ZBBX: variants seen among roughly 807,000 people sequenced by gnomAD.
The protein encoded by ZBBX is zinc finger B-box domain-containing protein 1.
A neutral mutation model predicts 108.5 loss-of-function variants in ZBBX; 101 were observed. The ratio of observed to expected loss-of-function variants is 0.93; its 90% confidence interval spans 0.79 to 1.10. The LOEUF (loss-of-function observed/expected upper bound fraction) is 1.10. Among genes scored for constraint, ZBBX ranks in the 50% least tolerant of loss-of-function variants. The pLI is 0.00. For missense variants in ZBBX, 1,009 were observed against 941.4 expected (o/e 1.07, Z -0.94); for synonymous variants, 356 against 323.4 (o/e 1.10, Z -1.08).
At chr3:167,260,258 C>G (rs1057341010) in intron 20 of ZBBX, among the ~76,000 whole-genome samples, 4 of 152,186 alleles carry the variant, frequency 2.6e-5, no homozygotes, top group Non-Finnish European at 2.9e-5. Context: ...TCTTACAGCT[C>G]TTAAGATTCT....
At chr3:167,286,933 G>A (rs908933734) in intron 19 of ZBBX, among the ~76,000 whole-genome samples, 1 of 152,112 alleles carries the variant, frequency 6.6e-6, no homozygotes, top group African/African-American at 2.4e-5. Context: ...ACTTGTGACA[G>A]AGCCAGGCAA....
intron 1 of ZBBX, among the ~76,000 whole-genome samples, chr3:167,405,989 C>T (rs1357964966): frequency 3.3e-5 from 5 of 151,318 alleles, no homozygotes; most frequent in South Asian, 2.1e-4. Flanking sequence ...TCACTTGAAC[C>T]CGGGGGGCAG....
intron 2 of ZBBX, among the ~76,000 whole-genome samples, chr3:167,378,181 G>A (rs1279977354): frequency 6.6e-6 from 1 of 152,110 alleles, no homozygotes; most frequent in African/African-American, 2.4e-5. Context: ...GTGTGAGAAT[G>A]GACTAATATA....
Position 167,330,790 on chromosome 3 carries a change from AAAGAAG to A in ZBBX, c.688-2680_688-2675del, listed in dbSNP as rs36131752. Among the ~76,000 whole-genome samples, 42 of 137,780 alleles carry A rather than the reference AAAGAAG, an allele frequency of 3.0e-4. 1 individual carries two copies. The highest frequency in any genetic ancestry group is 6.8e-4 in the African/African-American group (25 of 36,770). 90.4% of individuals were successfully genotyped at this position (137,780 alleles called of 152,430 possible). ...AAGAAAAGAAGAAAAGGAGAAGAAG[AAAGAAG>A]AAGAAGAAGAAGGAGGAGGAGAAGC... On this transcript the variant is annotated intron_variant, in intron 10 of 21. Transcript: ENST00000675490.
intron 2 of ZBBX, among the ~76,000 whole-genome samples, chr3:167,378,183 A>G (rs1455057529): frequency 6.6e-6 from 1 of 152,164 alleles, no homozygotes; most frequent in African/African-American, 2.4e-5. Flanking sequence ...GTGAGAATGG[A>G]CTAATATAGG....
chr3:167,296,043 G>A (rs78650021), intron 18 of ZBBX, among the ~76,000 whole-genome samples: 7,688 of 151,550 alleles, frequency 0.051, 522 homozygotes, highest in African/African-American at 0.15. Context: ...TATTAAAAAC[G>A]GTTATACATC....
At chr3:167,274,497 A>G (rs1245194439) in intron 20 of ZBBX, among the ~76,000 whole-genome samples, 2 of 152,228 alleles carry the variant, frequency 1.3e-5, no homozygotes, top group Non-Finnish European at 2.9e-5. Context: ...AGATTATAAA[A>G]ATTTAAAAGG....
chr3:167,378,704 G>A (rs1747342851), intron 2 of ZBBX, among the ~76,000 whole-genome samples: 1 of 152,098 alleles, frequency 6.6e-6, no homozygotes, highest in South Asian at 2.1e-4. Context: ...GAAGAAAATG[G>A]AGCATCAAGA....
intron 20 of ZBBX, among the ~76,000 whole-genome samples, chr3:167,264,500 A>G (rs917486508): frequency 6.6e-6 from 1 of 151,774 alleles, no homozygotes; most frequent in African/African-American, 2.4e-5. Context: ...ACTAATAAAA[A>G]CTCTATACTT....
intron 20 of ZBBX, among the ~76,000 whole-genome samples, chr3:167,249,489 C>T (rs1427199023): frequency 6.6e-6 from 1 of 152,188 alleles, no homozygotes; most frequent in Non-Finnish European, 1.5e-5. Flanking sequence ...AGCTTCCCAC[C>T]TGCCTCCTCC....
rs1044927782 is a variant in ZBBX at position 167,316,950 on chromosome 3, A to G, written c.1194+55T>C. ...AAATAATATGCAGATGTAAGTATAC[A>G]TTATGAATTCCCTGTTAAAAATCAT... On this transcript the variant is annotated intron_variant, in intron 14 of 21. Coordinates refer to ENST00000675490, the MANE Select transcript of ZBBX (RefSeq NM_001199201.2). The G allele has an allele frequency of 4.7e-5, 49 of 1,035,324 alleles. 1 individual carries two copies. The South Asian group carries it at 5.7e-4, about 12-fold the overall frequency. The allele number at this position is 1,035,324 out of a possible 1,614,324, so 64.1% of individuals were successfully genotyped here. A position where few individuals can be genotyped will look rare whatever the true frequency, so the allele number is the denominator to read the frequency against.
chr3:167,313,918 A>G (rs1440915179), intron 16 of ZBBX, 56 bp downstream of exon 16: 8 of 1,438,666 alleles, frequency 5.6e-6, no homozygotes, highest in African/African-American at 2.9e-5. Flanking sequence ...ATAGACTGCA[A>G]TAGTAAATTA....
At chr3:167,379,563 A>T (rs1237072582) in intron 2 of ZBBX, 75 bp downstream of exon 2, 1 of 152,160 alleles carries the variant, frequency 6.6e-6, no homozygotes, top group East Asian at 1.9e-4. Context: ...CAACTTTACT[A>T]TATTTTTTAA....
At chr3:167,232,420 G>T in the ZBBX span, among the ~76,000 whole-genome samples, 1 of 151,778 alleles carries the variant, frequency 6.6e-6, no homozygotes, top group Non-Finnish European at 1.5e-5. Flanking sequence ...CTTGGTAAAA[G>T]TTCTATTATC....
intron 9 of ZBBX, among the ~76,000 whole-genome samples, chr3:167,342,067 C>A (rs1277472137): frequency 4.6e-5 from 7 of 151,488 alleles, no homozygotes; most frequent in Non-Finnish European, 1.0e-4. Flanking sequence ...TGAATAACAT[C>A]TTTAGGTATA....
At chr3:167,262,629 A>G (rs77505037) in intron 20 of ZBBX, among the ~76,000 whole-genome samples, 1 of 151,938 alleles carries the variant, frequency 6.6e-6, no homozygotes, top group Non-Finnish European at 1.5e-5. Flanking sequence ...CATTTTTATT[A>G]TGGCTTCAAT....
intron 5 of ZBBX, among the ~76,000 whole-genome samples, chr3:167,367,130 G>C (rs1745440960): frequency 6.6e-6 from 1 of 151,884 alleles, no homozygotes; most frequent in South Asian, 2.1e-4. Flanking sequence ...CTAAACAAAA[G>C]TTAATTTAAT....
At chr3:167,247,280 T>C (rs1721736586) in intron 20 of ZBBX, among the ~76,000 whole-genome samples, 1 of 152,124 alleles carries the variant, frequency 6.6e-6, no homozygotes, top group African/African-American at 2.4e-5. Flanking sequence ...AAGAGTACAC[T>C]GACAGACTCT....
chr3:167,374,083 C>T (rs368687946), intron 2 of ZBBX, among the ~76,000 whole-genome samples: 1 of 151,792 alleles, frequency 6.6e-6, no homozygotes, highest in Non-Finnish European at 1.5e-5. Flanking sequence ...TATCCAAGGC[C>T]GTGCAGAGAG....
Sources: gnomAD v4.1 joint callset for allele counts (sites outside exome capture counted in the v4.1 genomes callset) on GRCh38, gnomAD v4.1.1 for gene constraint, MANE v1.5 for transcripts, NCBI Gene and HGNC (gene_info 2026-07-23, HGNC 2026-07-21) for gene names.